ACTR3C: variants seen among roughly 807,000 people sequenced by gnomAD.
ACTR3C encodes the protein actin related protein 3C, also known as actin-related protein 3C.
A neutral mutation model predicts 26.3 loss-of-function variants in ACTR3C; 18 were observed. The ratio of observed to expected loss-of-function variants is 0.68; its 90% CI spans 0.47 to 1.01. The LOEUF (loss-of-function observed/expected upper bound fraction) is 1.01. ACTR3C is among the 50% of genes least tolerant of loss of function. The pLI, the probability that ACTR3C is intolerant of heterozygous loss-of-function variation, is 0.00. For missense variants in ACTR3C, 184 were observed against 250.7 expected, an observed-to-expected ratio of 0.73 and a Z score of 1.80; for synonymous variants, 55 against 94.5, an observed-to-expected ratio of 0.58 and a Z score of 2.42.
chr7:150,181,766 G>A, the ACTR3C span, among the ~76,000 whole-genome samples: 1 of 150,670 alleles, frequency 6.6e-6, no homozygotes, highest in Non-Finnish European at 1.5e-5. Context: ...CCTAGAAAAT[G>A]CTTGAAAAAG....
chr7:149,989,291 T>G, the ACTR3C span, among the ~76,000 whole-genome samples: 14 of 152,234 alleles, frequency 9.2e-5, no homozygotes, highest in African/African-American at 3.4e-4. Flanking sequence ...CTTATGTTTG[T>G]GGGTGTGTGG....
At chr7:150,089,766 T>C in the ACTR3C span, among the ~76,000 whole-genome samples, 1 of 152,196 alleles carries the variant, frequency 6.6e-6, no homozygotes, top group Non-Finnish European at 1.5e-5. Flanking sequence ...GTATTTGAAA[T>C]GCCAAATAAA....
At position 150,275,722 on chromosome 7, in the gene ACTR3C, A is replaced by C. The variant is rs74551823; in HGVS notation, c.564+9031T>G. The stretch of plus-strand genomic sequence containing the variant: ...GCGAAAACTCTGTCTCAAAAAAAAA[A>C]CAAAACAAAAACAGCGACTACAAAG... On this transcript the variant is annotated intron_variant, in intron 6 of 7. Coordinates refer to ENST00000683684, the MANE Select transcript of ACTR3C (RefSeq NM_001164458.2). Among the ~76,000 whole-genome samples the C allele has an allele frequency of 8.8e-5, 13 of 147,818 alleles. No individual in the cohort carries two copies. The East Asian group carries it at 2.5e-3, about 29-fold the overall frequency.
At chr7:150,159,159 T>C in the ACTR3C span, among the ~76,000 whole-genome samples, 1 of 139,626 alleles carries the variant, frequency 7.2e-6, no homozygotes, top group East Asian at 2.3e-4. Flanking sequence ...CAATTTTTAT[T>C]TGTCATACCT....
chr7:150,034,551 GCTC>G, the ACTR3C span, among the ~76,000 whole-genome samples: 1 of 151,614 alleles, frequency 6.6e-6, no homozygotes, highest in Non-Finnish European at 1.5e-5. Context: ...AAATCCCACA[GCTC>G]CTAAGAATTC....
chr7:149,926,485 C>T, the ACTR3C span, among the ~76,000 whole-genome samples: 3 of 152,352 alleles, frequency 2.0e-5, no homozygotes, highest in South Asian at 6.2e-4. Flanking sequence ...CTGGCATGTG[C>T]TATGCACAGG....
chr7:150,014,262 TG>T, the ACTR3C span, among the ~76,000 whole-genome samples: 3 of 152,138 alleles, frequency 2.0e-5, no homozygotes, highest in African/African-American at 7.2e-5. Flanking sequence ...GAGACCATCC[TG>T]GCTAACACAG....
the ACTR3C span, among the ~76,000 whole-genome samples, chr7:150,028,097 T>C: frequency 6.6e-6 from 1 of 152,420 alleles, no homozygotes; most frequent in Non-Finnish European, 1.5e-5. Flanking sequence ...TTGACTTTTA[T>C]ATTTTATTTC....
the ACTR3C span, among the ~76,000 whole-genome samples, chr7:150,204,241 A>G: frequency 6.9e-6 from 1 of 144,392 alleles, no homozygotes; most frequent in Non-Finnish European, 1.5e-5. Flanking sequence ...CACCTGGAAA[A>G]ATCTCAGGCA....
chr7:150,108,208 T>C, the ACTR3C span, among the ~76,000 whole-genome samples: 1 of 150,158 alleles, frequency 6.7e-6, no homozygotes, highest in African/African-American at 2.5e-5. Flanking sequence ...GCATTAGTTA[T>C]AGGACACCAC....
chr7:150,011,664 C>A, the ACTR3C span, among the ~76,000 whole-genome samples: 1 of 152,070 alleles, frequency 6.6e-6, no homozygotes, highest in African/African-American at 2.4e-5. Context: ...GCCATGGCTT[C>A]TTTTTTAACT....
chr7:150,059,103 G>A, the ACTR3C span, among the ~76,000 whole-genome samples: 22,152 of 152,094 alleles, frequency 0.15, 1,673 homozygotes, highest in South Asian at 0.22. Flanking sequence ...AAGCGTTCCT[G>A]TAGGACATAC....
the ACTR3C span, among the ~76,000 whole-genome samples, chr7:150,127,357 A>G: frequency 1.8e-3 from 270 of 152,316 alleles, no homozygotes; most frequent in Non-Finnish European, 2.9e-3. Context: ...ATTCCTCCCC[A>G]GTCTTGCCCA....
the ACTR3C span, among the ~76,000 whole-genome samples, chr7:149,978,849 G>A: frequency 6.6e-6 from 1 of 152,078 alleles, no homozygotes; most frequent in Admixed American, 6.5e-5. Flanking sequence ...CAACCAGATT[G>A]TTGTTCTTCT....
At chr7:150,024,432 C>G in the ACTR3C span, among the ~76,000 whole-genome samples, 1 of 150,002 alleles carries the variant, frequency 6.7e-6, no homozygotes, top group African/African-American at 2.5e-5. Flanking sequence ...GCCAGACAAC[C>G]ATACACGTGG....
At chr7:149,967,540 T>C in the ACTR3C span, among the ~76,000 whole-genome samples, 216 of 151,356 alleles carry the variant, frequency 1.4e-3, 1 homozygote, top group East Asian at 0.016. Context: ...GGCCCCCTGT[T>C]GCTTTCTGCT....
chr7:150,134,102 G>A, the ACTR3C span, among the ~76,000 whole-genome samples: 3 of 151,976 alleles, frequency 2.0e-5, no homozygotes, highest in Non-Finnish European at 2.9e-5. Context: ...TCTACTCATA[G>A]TATTTTGTTT....
At chr7:150,158,890 A>T in the ACTR3C span, among the ~76,000 whole-genome samples, 1 of 150,486 alleles carries the variant, frequency 6.6e-6, no homozygotes, top group Non-Finnish European at 1.5e-5. Flanking sequence ...ACACAGACGC[A>T]CAAGGCACAC....
the ACTR3C span, among the ~76,000 whole-genome samples, chr7:150,021,945 T>C: frequency 6.6e-6 from 1 of 151,752 alleles, no homozygotes; most frequent in Non-Finnish European, 1.5e-5. Flanking sequence ...GCAAGTGTCT[T>C]TTTCATATAA....
Sources: gnomAD v4.1 joint callset for allele counts (sites outside exome capture counted in the v4.1 genomes callset) on GRCh38, gnomAD v4.1.1 for gene constraint, MANE v1.5 for transcripts, NCBI Gene and HGNC (gene_info 2026-07-23, HGNC 2026-07-21) for gene names.